STK32B: variants seen among roughly 807,000 people sequenced by gnomAD.
STK32B encodes serine/threonine kinase 32B.
STK32B carries 43 observed loss-of-function variants against 52.6 expected under a neutral mutation model. The ratio of observed to expected loss-of-function variants is 0.82; its 90% confidence interval spans 0.64 to 1.05. The LOEUF (loss-of-function observed/expected upper bound fraction) is 1.05. STK32B is among the 50% of genes least tolerant of loss of function. The pLI, the probability that STK32B is intolerant of heterozygous loss-of-function variation, is 0.00. For missense variants in STK32B, 621 were observed against 534.6 expected, an observed-to-expected ratio of 1.16 and a Z score of -1.59; for synonymous variants, 238 against 204.3, an observed-to-expected ratio of 1.17 and a Z score of -1.41.
chr4:5,307,018 A>G (rs2108904872), intron 3 of STK32B, among the ~76,000 whole-genome samples: 1 of 152,228 alleles, frequency 6.6e-6, no homozygotes, highest in East Asian at 1.9e-4. Flanking sequence ...TGTTAATCTG[A>G]TAGGTTTTCC....
At chr4:5,493,688 T>A (rs1719945776) in intron 11 of STK32B, among the ~76,000 whole-genome samples, 1 of 152,236 alleles carries the variant, frequency 6.6e-6, no homozygotes, top group South Asian at 2.1e-4. Context: ...CAATTTTGGA[T>A]CTTTCCTGCT....
intron 1 of STK32B, among the ~76,000 whole-genome samples, chr4:5,078,260 C>G (rs1712202607): frequency 6.6e-6 from 1 of 152,280 alleles, no homozygotes; most frequent in Admixed American, 6.5e-5. Context: ...CCAAAATGTG[C>G]TGGACTTCCA....
intron 3 of STK32B, among the ~76,000 whole-genome samples, chr4:5,169,777 AAT>A (rs1719211009): frequency 6.6e-6 from 1 of 152,156 alleles, no homozygotes; most frequent in Admixed American, 6.6e-5. Context: ...TCCGAACAGC[AAT>A]ATGTGTTCTT....
Position 5,345,673 on chromosome 4 carries a change from A to G in STK32B, c.434+14280A>G, listed in dbSNP as rs372725408. On this transcript the variant is annotated intron_variant, in intron 4 of 11. Coordinates refer to ENST00000282908, the MANE Select transcript of STK32B (RefSeq NM_018401.3). ...GTGAATAACTTGCCTAAGGGCAAAC[A>G]GGAAGTGGCCACCCCAAGTCACCAA... Among the ~76,000 whole-genome samples the G allele has an allele frequency of 3.3e-4, 51 of 152,352 alleles. No individual in the cohort carries two copies. In the East Asian group the frequency reaches 5.4e-3, roughly 16 times the overall value.
chr4:5,497,436 C>T (rs1490283926), intron 11 of STK32B, among the ~76,000 whole-genome samples: 5 of 152,212 alleles, frequency 3.3e-5, no homozygotes, highest in Non-Finnish European at 4.4e-5. Context: ...CGAAGGGAGC[C>T]TCCCAGCTCT....
intron 1 of STK32B, among the ~76,000 whole-genome samples, chr4:5,053,994 A>AATAAATAAATATAAATAAAT (rs1553814636): frequency 5.4e-5 from 8 of 147,936 alleles, no homozygotes; most frequent in Non-Finnish European, 8.9e-5. Context: ...TAAATAAATA[A>AATAAATAAATATAAATAAAT]ATAAATAAAT....
At position 5,472,009 on chromosome 4, in the gene STK32B, G is replaced by A. The variant is rs560729382; in HGVS notation, c.1106+3939G>A. ...GGCCACGTATGCTTCCTCAGCTACA[G>A]AAAGCTCTTGGGGAGAGAGACGGTT... On this transcript the variant is annotated intron_variant, in intron 11 of 11. Transcript: ENST00000282908. Among the ~76,000 whole-genome samples, 17 of 152,340 alleles carry A rather than the reference G, an allele frequency of 1.1e-4. No homozygotes were observed. The East Asian group carries it at 3.3e-3, about 29-fold the overall frequency.
At chr4:5,140,051 G>A (rs1462704004) in intron 2 of STK32B, 91 bp downstream of exon 2, 42 of 1,538,504 alleles carry the variant, frequency 2.7e-5, no homozygotes, top group Non-Finnish European at 3.6e-5. Context: ...GGAATGTTCT[G>A]TTTGACAGTA....
rs1716257407 is a variant in STK32B at position 5,453,913 on chromosome 4, A to G, written c.667-2894A>G. Among the ~76,000 whole-genome samples the G allele has an allele frequency of 7.9e-6, 1 of 126,680 alleles. No individual in the cohort carries two copies. Among genetic ancestry groups the G allele is most frequent in the South Asian group, 3.3e-4 (1 of 3,040 alleles). The allele number at this position is 126,680 out of a possible 152,430, so 83.1% of individuals were successfully genotyped here. ...AGAGTGAAACTCCATCTAAAAAAAA[A>G]GAAGTCCAAAACTGAACTCAGCCCC... On this transcript the variant is annotated intron_variant, in intron 7 of 11. Coordinates refer to ENST00000282908, the MANE Select transcript of STK32B (RefSeq NM_018401.3). The surrounding 1 kb of genome is among the most constrained non-coding windows in gnomAD (Gnocchi z 4.0).
At chr4:5,076,459 T>G (rs1408034397) in intron 1 of STK32B, among the ~76,000 whole-genome samples, 1 of 152,178 alleles carries the variant, frequency 6.6e-6, no homozygotes, top group African/African-American at 2.4e-5. Context: ...GATAATTTCC[T>G]TACAGTTGTC....
At chr4:5,255,328 T>C (rs6446343) in intron 3 of STK32B, among the ~76,000 whole-genome samples, 18,786 of 152,198 alleles carry the variant, frequency 0.12, 3,190 homozygotes, top group African/African-American at 0.38. Flanking sequence ...AAAGATGAAT[T>C]GCTTGCATCT....
intron 1 of STK32B, among the ~76,000 whole-genome samples, chr4:5,083,999 T>A (rs369972102): frequency 1.2e-4 from 18 of 152,208 alleles, no homozygotes; most frequent in African/African-American, 3.9e-4. Context: ...AGCCTTGCAA[T>A]GTGCTGAGAT....
chr4:5,454,826 AG>A (rs1716353725), intron 7 of STK32B, among the ~76,000 whole-genome samples: 1 of 152,106 alleles, frequency 6.6e-6, no homozygotes, highest in Non-Finnish European at 1.5e-5. Flanking sequence ...TAACTATGGT[AG>A]TTGTTTCTGG....
At chr4:5,338,782 G>C (rs938842605) in intron 4 of STK32B, among the ~76,000 whole-genome samples, 3 of 152,146 alleles carry the variant, frequency 2.0e-5, no homozygotes, top group Non-Finnish European at 4.4e-5. Flanking sequence ...ATCTACCCTG[G>C]GGAAAAGGAG....
At chr4:5,159,510 A>G (rs1339508676) in intron 2 of STK32B, among the ~76,000 whole-genome samples, 2 of 144,180 alleles carry the variant, frequency 1.4e-5, no homozygotes, top group African/African-American at 5.1e-5. Flanking sequence ...ATATGAATAT[A>G]TATATGAATA....
intron 7 of STK32B, among the ~76,000 whole-genome samples, chr4:5,449,021 G>C: frequency 6.6e-6 from 1 of 152,230 alleles, no homozygotes; most frequent in South Asian, 2.1e-4. Flanking sequence ...GATCCAGGGA[G>C]CTCCTTTCGT....
In STK32B at chr4:5,374,344, A is replaced by G. The variant is rs538782240; in HGVS notation, c.435-23863A>G. The stretch of plus-strand genomic sequence containing the variant: ...CTATTTGAATAACATTCTATAATAG[A>G]CAAAATGCTTTTTGCTAAGATAAGT... On this transcript the variant is annotated intron_variant, in intron 4 of 11. Coordinates refer to ENST00000282908, the MANE Select transcript of STK32B (RefSeq NM_018401.3). Among the ~76,000 whole-genome samples the G allele has an allele frequency of 4.6e-5, 7 of 152,382 alleles. No homozygotes were observed. The South Asian group carries it at 8.3e-4, about 18-fold the overall frequency.
intron 3 of STK32B, among the ~76,000 whole-genome samples, chr4:5,249,083 A>T (rs928762115): frequency 2.0e-5 from 3 of 150,000 alleles, no homozygotes; most frequent in African/African-American, 7.5e-5. Context: ...ATGATAATAA[A>T]AAAATAAAAT....
chr4:5,120,896 A>G (rs1439094231), intron 1 of STK32B, among the ~76,000 whole-genome samples: 1 of 151,628 alleles, frequency 6.6e-6, no homozygotes, highest in Non-Finnish European at 1.5e-5. Context: ...ATAAAATTAT[A>G]ATATATTTTC....
Sources: allele counts gnomAD v4.1 joint callset (sites outside exome capture counted in the v4.1 genomes callset), GRCh38; gene constraint gnomAD v4.1.1; non-coding constraint Gnocchi (gnomAD v3.1); transcripts MANE v1.5; gene names NCBI Gene and HGNC (gene_info 2026-07-23, HGNC 2026-07-21).